The following RTL4 variants were observed in gnomAD, a reference collection of about 807,000 sequenced individuals.
The protein encoded by RTL4 is retrotransposon Gag-like protein 4.
Under a neutral mutation model 5.3 loss-of-function variants are expected in RTL4, and 4 were observed. That is an observed-to-expected ratio of 0.75 (90% confidence interval 0.37 to 1.72). RTL4 has a LOEUF of 1.72. Among genes scored for constraint, RTL4 ranks in the 40% most tolerant of loss-of-function variants. The pLI, the probability that RTL4 is intolerant of heterozygous loss-of-function variation, is 0.04. For missense variants in RTL4, 260 were observed against 227.1 expected, an observed-to-expected ratio of 1.14 and a Z score of -0.93; for synonymous variants, 98 against 87.3, an observed-to-expected ratio of 1.12 and a Z score of -0.68.
chrX:112,137,312 A>G, the RTL4 span, among the ~76,000 whole-genome samples: 9 of 112,226 alleles, frequency 8.0e-5, no homozygotes, highest in African/African-American at 2.6e-4. Flanking sequence ...TAATCACCTT[A>G]TACCAGTGAG....
At chrX:112,437,735 G>A in the RTL4 span, among the ~76,000 whole-genome samples, 1 of 104,972 alleles carries the variant, frequency 9.5e-6, no homozygotes, top group African/African-American at 3.5e-5. Context: ...TGAAATTTCA[G>A]ATGTAAAAGA....
At chrX:112,316,488 G>A in the RTL4 span, among the ~76,000 whole-genome samples, 1 of 111,407 alleles carries the variant, frequency 9.0e-6, no homozygotes, top group South Asian at 3.8e-4. Context: ...TGGGGACAAT[G>A]TTTCCTATTT....
At chrX:112,413,391 G>T in the RTL4 span, among the ~76,000 whole-genome samples, 2 of 111,587 alleles carry the variant, frequency 1.8e-5, no homozygotes, top group African/African-American at 6.5e-5. Flanking sequence ...ATTGAGGAGA[G>T]ATCTGCACTC....
At chrX:112,350,904 G>A in the RTL4 span, among the ~76,000 whole-genome samples, 1 of 110,933 alleles carries the variant, frequency 9.0e-6, no homozygotes, top group Non-Finnish European at 1.9e-5. Flanking sequence ...CTTGCCTTCT[G>A]CTAGCTTTTG....
At chrX:112,294,570 G>A in the RTL4 span, among the ~76,000 whole-genome samples, 1 of 111,539 alleles carries the variant, frequency 9.0e-6, no homozygotes, top group Non-Finnish European at 1.9e-5. Context: ...TTGCACTCCA[G>A]CCTGAGAGAC....
the RTL4 span, among the ~76,000 whole-genome samples, chrX:112,160,587 G>A: frequency 1.8e-5 from 2 of 111,733 alleles, no homozygotes; most frequent in Non-Finnish European, 3.8e-5. Context: ...CATGGGGAAG[G>A]GAGGGTAAGT....
the RTL4 span, among the ~76,000 whole-genome samples, chrX:112,349,982 A>C: frequency 1.8e-5 from 2 of 110,471 alleles, no homozygotes; most frequent in African/African-American, 6.6e-5. Context: ...CCCATTCAGT[A>C]TGATATTGGC....
At chrX:112,214,868 A>C in the RTL4 span, among the ~76,000 whole-genome samples, 1 of 109,922 alleles carries the variant, frequency 9.1e-6, no homozygotes, top group South Asian at 3.9e-4. Context: ...GGCTCACTGC[A>C]AACTCCGCCT....
At chrX:112,164,570 G>T in the RTL4 span, among the ~76,000 whole-genome samples, 1 of 112,407 alleles carries the variant, frequency 8.9e-6, no homozygotes, top group South Asian at 3.7e-4. Flanking sequence ...GCCCAGGCAG[G>T]CATGCCACTG....
At chrX:112,095,445 G>A in the RTL4 span, among the ~76,000 whole-genome samples, 1 of 111,948 alleles carries the variant, frequency 8.9e-6, no homozygotes, top group African/African-American at 3.2e-5. Flanking sequence ...TACAGTGAAG[G>A]AAAATGGTTA....
the RTL4 span, among the ~76,000 whole-genome samples, chrX:112,169,026 C>CTTTTTCTT: frequency 5.5e-4 from 27 of 49,060 alleles, no homozygotes; most frequent in African/African-American, 2.1e-3. Flanking sequence ...CTTTCTCTTT[C>CTTTTTCTT]TCTTTCTTTC....
the RTL4 span, among the ~76,000 whole-genome samples, chrX:112,285,364 A>G: frequency 8.9e-6 from 1 of 112,386 alleles, no homozygotes; most frequent in South Asian, 3.7e-4. Context: ...AGCAACTGCA[A>G]ATCATGAACC....
the RTL4 span, among the ~76,000 whole-genome samples, chrX:112,207,163 C>T: frequency 1.8e-5 from 2 of 111,716 alleles, no homozygotes; most frequent in Non-Finnish European, 3.8e-5. Flanking sequence ...AGGACTAATC[C>T]TTTACAAATA....
the RTL4 span, among the ~76,000 whole-genome samples, chrX:112,363,510 G>A: frequency 0.015 from 1,642 of 110,147 alleles, 34 homozygotes; most frequent in African/African-American, 0.051. Flanking sequence ...AGAGTCTTGC[G>A]TACTCATACT....
the RTL4 span, among the ~76,000 whole-genome samples, chrX:112,208,948 C>A: frequency 1.8e-5 from 2 of 112,372 alleles, no homozygotes; most frequent in Non-Finnish European, 3.8e-5. Context: ...GGGCACTCAG[C>A]AGTGGCCATA....
At chrX:112,151,593 G>C in the RTL4 span, among the ~76,000 whole-genome samples, 7 of 112,085 alleles carry the variant, frequency 6.2e-5, no homozygotes, top group Non-Finnish European at 1.3e-4. Context: ...TGTCAGTGCT[G>C]AATGTCTTTT....
the RTL4 span, among the ~76,000 whole-genome samples, chrX:112,287,681 A>G: frequency 9.0e-6 from 1 of 111,394 alleles, no homozygotes; most frequent in South Asian, 3.7e-4. Flanking sequence ...CTAGGCCCCA[A>G]GTATGACATC....
the RTL4 span, among the ~76,000 whole-genome samples, chrX:112,353,599 C>T: frequency 3.6e-5 from 4 of 110,286 alleles, no homozygotes; most frequent in Non-Finnish European, 5.7e-5. Context: ...AACCAAACAC[C>T]GCATGTTCTC....
At chrX:112,299,083 G>T in the RTL4 span, among the ~76,000 whole-genome samples, 12 of 112,071 alleles carry the variant, frequency 1.1e-4, no homozygotes, top group African/African-American at 3.9e-4. Context: ...TTAACTCTGA[G>T]ATTTGAGAGT....
Sources: allele counts gnomAD v4.1 joint callset (sites outside exome capture counted in the v4.1 genomes callset), GRCh38; gene constraint gnomAD v4.1.1; transcripts MANE v1.5; gene names NCBI Gene and HGNC (gene_info 2026-07-23, HGNC 2026-07-21).